The following COL4A2 variants were observed in gnomAD, a reference collection of about 807,000 sequenced individuals.
COL4A2 encodes the protein collagen alpha-2(IV) chain.
COL4A2 carries 99 observed loss-of-function variants against 200.2 expected under a neutral mutation model. That is an observed-to-expected ratio of 0.49 (90% confidence interval 0.42 to 0.58). The LOEUF (loss-of-function observed/expected upper bound fraction) is 0.58, where lower values mean the gene tolerates loss of function less well. Ranked by LOEUF, COL4A2 falls within the 20% of genes least tolerant of loss-of-function variation. COL4A2 has a pLI of 0.00. For synonymous variants in COL4A2, 897 were observed against 900.6 expected (o/e 1.00, Z 0.07); for missense variants, 1,950 against 2,314.1 (o/e 0.84, Z 3.23).
chr13:110,402,644 A>G (rs1404217059), intron 4 of COL4A2, among the ~76,000 whole-genome samples: 1 of 152,074 alleles, frequency 6.6e-6, no homozygotes, highest in Non-Finnish European at 1.5e-5. Flanking sequence ...ACAGAATATT[A>G]TTCATGGTGT....
At chr13:110,350,177 T>G (rs1876892197) in intron 3 of COL4A2, among the ~76,000 whole-genome samples, 1 of 152,242 alleles carries the variant, frequency 6.6e-6, no homozygotes, top group Non-Finnish European at 1.5e-5. Flanking sequence ...ATTCCCGTTC[T>G]GCACCTGGAA....
At chr13:110,405,480 C>T (rs1879530792) in intron 4 of COL4A2, among the ~76,000 whole-genome samples, 1 of 151,898 alleles carries the variant, frequency 6.6e-6, no homozygotes, top group African/African-American at 2.4e-5. Flanking sequence ...GCTCCACTCC[C>T]AGACCCGTCT....
At chr13:110,412,477 C>A (rs1879880770) in intron 4 of COL4A2, among the ~76,000 whole-genome samples, 1 of 152,204 alleles carries the variant, frequency 6.6e-6, no homozygotes, top group African/African-American at 2.4e-5. Flanking sequence ...GACCTCATAC[C>A]CTGGCATAGA....
intron 6 of COL4A2, among the ~76,000 whole-genome samples, chr13:110,426,132 G>A (rs1347813102): frequency 1.3e-5 from 2 of 152,114 alleles, no homozygotes; most frequent in African/African-American, 4.8e-5. Flanking sequence ...AAACAAATTA[G>A]GAAAGTATTT....
intron 4 of COL4A2, among the ~76,000 whole-genome samples, chr13:110,386,103 G>A (rs1370219358): frequency 1.4e-4 from 21 of 152,106 alleles, no homozygotes; most frequent in Admixed American, 1.3e-3. Flanking sequence ...CATGGTTACA[G>A]CATGTGGATA....
At chr13:110,324,769 T>G (rs191664625) in intron 3 of COL4A2, among the ~76,000 whole-genome samples, 311 of 152,290 alleles carry the variant, frequency 2.0e-3, no homozygotes, top group African/African-American at 6.9e-3. Context: ...TTTCTAGCAA[T>G]AGAAAAATGT....
At chr13:110,468,439 C>T in intron 27 of COL4A2, 1 of 412,606 alleles carries the variant, frequency 2.4e-6, no homozygotes, top group African/African-American at 2.1e-5. Flanking sequence ...AGCACACACC[C>T]AGACTACAGC....
chr13:110,511,679 G>A (rs1362275724), intron 47 of COL4A2, among the ~76,000 whole-genome samples: 1 of 152,244 alleles, frequency 6.6e-6, no homozygotes, highest in Non-Finnish European at 1.5e-5. Context: ...CGGCCAGCCT[G>A]GCTGTGAATT....
rs565989172 is a variant in COL4A2, at chr13:110,307,705, C to A, written c.-44-155C>A. ...CCACAGGGGCCTAACGGGAGGCTCTCCTTCTTTCCGGGTCGTGGGGGGGAC... is the reference window on the plus strand; with the variant it reads ...CCACAGGGGCCTAACGGGAGGCTCTACTTCTTTCCGGGTCGTGGGGGGGAC... On this transcript the variant is annotated intron_variant, in intron 1 of 47. Transcript: ENST00000360467. This position sits in a 1 kb window ranked among gnomAD's most constrained non-coding sequence, Gnocchi z 5.0. 5.4e-4 allele frequency among the ~76,000 whole-genome samples: 82 copies of A among 152,264 alleles called. 1 individual carries two copies. The highest frequency in any genetic ancestry group is 5.0e-3 in the Admixed American group (76 of 15,304).
At chr13:110,399,613 C>A (rs7982993) in intron 4 of COL4A2, among the ~76,000 whole-genome samples, 89,497 of 152,056 alleles carry the variant, frequency 0.59, 26,939 homozygotes, top group Non-Finnish European at 0.66. Context: ...GCATAGCATT[C>A]CCTTGGTGAC....
At chr13:110,408,244 G>A (rs561727163) in intron 4 of COL4A2, among the ~76,000 whole-genome samples, 234 of 152,348 alleles carry the variant, frequency 1.5e-3, no homozygotes, top group Middle Eastern at 3.4e-3. Context: ...TCCCCAGGGC[G>A]GGGAGGGGCC....
chr13:110,487,058 G>A (rs1413189777), intron 34 of COL4A2, among the ~76,000 whole-genome samples: 3 of 152,224 alleles, frequency 2.0e-5, no homozygotes, highest in Admixed American at 6.5e-5. Context: ...CCACCTTGGT[G>A]TACAGAATTC....
intron 4 of COL4A2, among the ~76,000 whole-genome samples, chr13:110,413,389 A>T (rs1424137969): frequency 6.6e-6 from 1 of 152,076 alleles, no homozygotes; most frequent in African/African-American, 2.4e-5. Flanking sequence ...GGGTACAGAG[A>T]TGTAGTATGG....
Position 110,489,613 on chromosome 13 carries a change from A to T in COL4A2, c.3272-98A>T, listed in dbSNP as rs531116279. 11 of 1,593,408 alleles carry T rather than the reference A, an allele frequency of 6.9e-6. 1 individual carries two copies. The South Asian group carries it at 1.1e-4, about 16-fold the overall frequency. On this transcript the variant is annotated intron_variant, in intron 35 of 47. Transcript: ENST00000360467. ...AAGTGCTGTTAGGTATTTTAAAACA[A>T]ATTATTCTTGTTAGGAATATAACAA... is the stretch of plus-strand genomic sequence containing the variant.
At chr13:110,367,317 G>A (rs1051161370) in intron 4 of COL4A2, among the ~76,000 whole-genome samples, 2 of 152,236 alleles carry the variant, frequency 1.3e-5, no homozygotes, top group Non-Finnish European at 2.9e-5. Flanking sequence ...GGCCTAACAA[G>A]TTCTTGGCTC....
intron 20 of COL4A2, among the ~76,000 whole-genome samples, chr13:110,455,178 A>G (rs1255535190): frequency 2.0e-5 from 3 of 152,112 alleles, no homozygotes; most frequent in Admixed American, 2.0e-4. Context: ...CAGACCGCGT[A>G]GCCTCCCTCC....
At chr13:110,425,137 C>A in intron 6 of COL4A2, 140 bp downstream of exon 6, 1 of 935,046 alleles carries the variant, frequency 1.1e-6, no homozygotes, top group Non-Finnish European at 1.6e-6. Flanking sequence ...CGTGCGTATT[C>A]TCCCCGCGGA....
rs1168200344 is a variant in COL4A2 at position 110,508,606 on chromosome 13, A to G, written c.4881+385A>G. On this transcript the variant is annotated intron_variant, in intron 47 of 47. Coordinates refer to ENST00000360467, the MANE Select transcript of COL4A2 (RefSeq NM_001846.4). The surrounding 1 kb of genome is among the most constrained non-coding windows in gnomAD (Gnocchi z 6.1). ...AGAATCCTGATCTTATTTAGAATCT[A>G]TCTGGAACCTAGAATACCCTGAAGA... Among the ~76,000 whole-genome samples the G allele has an allele frequency of 6.6e-6, 1 of 152,252 alleles. No homozygotes were observed. The highest frequency in any genetic ancestry group is 1.5e-5 in the Non-Finnish European group (1 of 68,036).
intron 6 of COL4A2, among the ~76,000 whole-genome samples, chr13:110,427,794 A>G (rs112263343): frequency 3.3e-5 from 5 of 152,298 alleles, no homozygotes; most frequent in African/African-American, 9.6e-5. Context: ...ACCCCCAGAC[A>G]TTTCAGAAAA....
Sources: allele counts gnomAD v4.1 joint callset (sites outside exome capture counted in the v4.1 genomes callset), GRCh38; gene constraint gnomAD v4.1.1; non-coding constraint Gnocchi (gnomAD v3.1); transcripts MANE v1.5; gene names NCBI Gene and HGNC (gene_info 2026-07-23, HGNC 2026-07-21).